Variants in AGBL1 observed in about 807,000 individuals in gnomAD.
The protein encoded by AGBL1 is AGBL carboxypeptidase 1.
A neutral mutation model predicts 118.9 loss-of-function variants in AGBL1; 130 were observed. The observed-to-expected ratio is 1.09, with a 90% CI of 0.95 to 1.26. The LOEUF (loss-of-function observed/expected upper bound fraction) is 1.26, where lower values mean the gene tolerates loss of function less well. AGBL1 is among the 50% of genes most tolerant of loss of function. The pLI is 0.00. For missense variants in AGBL1, 1,584 were observed against 1,298.1 expected (o/e 1.22, Z -3.38); for synonymous variants, 555 against 478.9 (o/e 1.16, Z -2.08).
In AGBL1 at chr15:86,415,589, T is replaced by C. The variant is rs532693847; in HGVS notation, c.2555+18043T>C. 1.5e-3 allele frequency among the ~76,000 whole-genome samples: 222 copies of C among 152,328 alleles called. 6 individuals carry two copies. The South Asian group carries it at 0.044, about 30-fold the overall frequency. ...AATAAACTAAATAGTGTATTTAGCA[T>C]GAAGCCTTATTAAGCTCTTTTGATG... On this transcript the variant is annotated intron_variant, in intron 18 of 22. Transcript: ENST00000614907.
At chr15:86,750,290 T>C (rs1485379927) in intron 22 of AGBL1, among the ~76,000 whole-genome samples, 2 of 152,074 alleles carry the variant, frequency 1.3e-5, no homozygotes, top group African/African-American at 4.8e-5. Flanking sequence ...AATTAACACA[T>C]AGTAATTTTA....
chr15:86,867,892 G>A (rs183640993), intron 22 of AGBL1, among the ~76,000 whole-genome samples: 127 of 152,210 alleles, frequency 8.3e-4, no homozygotes, highest in Non-Finnish European at 4.7e-4. Flanking sequence ...CCAATATACA[G>A]ATATCCCAAT....
chr15:86,261,489 C>T (rs1000738392), intron 9 of AGBL1, among the ~76,000 whole-genome samples: 2 of 152,198 alleles, frequency 1.3e-5, no homozygotes, highest in Non-Finnish European at 2.9e-5. Flanking sequence ...ATAGATGGAA[C>T]ATTGCATTTT....
chr15:86,456,155 A>T (rs1346013336), intron 18 of AGBL1, among the ~76,000 whole-genome samples: 1 of 152,220 alleles, frequency 6.6e-6, no homozygotes, highest in Non-Finnish European at 1.5e-5. Context: ...AGATTAAAAC[A>T]ATAACAACAA....
At chr15:86,270,140 A>G in intron 14 of AGBL1, 73 bp downstream of exon 14, 1 of 1,526,550 alleles carries the variant, frequency 6.6e-7, no homozygotes. Flanking sequence ...TTGGATTCAA[A>G]GAGCCTTTGC....
chr15:86,463,267 C>T lies in AGBL1; in HGVS notation c.2556-59543C>T, dbSNP rs145575677. Among the ~76,000 whole-genome samples, 3 of 150,960 alleles carry T rather than the reference C, an allele frequency of 2.0e-5. No individual in the cohort carries two copies. The East Asian group carries it at 5.8e-4, about 29-fold the overall frequency. On this transcript the variant is annotated intron_variant, in intron 18 of 22. Coordinates refer to ENST00000614907, the MANE Select transcript of AGBL1 (RefSeq NM_001386094.1). ...AGAAGTGTCTGTTCATATCCTTTGC[C>T]CACATTTGATGGGGTTGTTTGTTTT...
intron 22 of AGBL1, among the ~76,000 whole-genome samples, chr15:86,817,586 A>ACACC (rs2078881219): frequency 6.7e-6 from 1 of 149,612 alleles, no homozygotes; most frequent in South Asian, 2.2e-4. Flanking sequence ...ACACACACAC[A>ACACC]CACACACAGA....
chr15:86,136,381 G>T (rs760095563), intron 1 of AGBL1, among the ~76,000 whole-genome samples: 6 of 152,186 alleles, frequency 3.9e-5, no homozygotes, highest in Non-Finnish European at 7.3e-5. Context: ...TCTTGGAGAG[G>T]CCAGGCCACC....
chr15:86,485,205 G>T (rs969711427), intron 18 of AGBL1, among the ~76,000 whole-genome samples: 13 of 152,154 alleles, frequency 8.5e-5, no homozygotes, highest in Admixed American at 8.5e-4. Context: ...TGTTAGAAAT[G>T]CACAATCTCA....
chr15:86,621,939 C>G (rs928356300), intron 21 of AGBL1, among the ~76,000 whole-genome samples: 2 of 152,100 alleles, frequency 1.3e-5, no homozygotes, highest in Admixed American at 1.3e-4. Context: ...CAGAGTAGGA[C>G]ATTTTTAGAG....
chr15:86,265,898 TG>T (rs1311016342), intron 11 of AGBL1, among the ~76,000 whole-genome samples: 1 of 152,218 alleles, frequency 6.6e-6, no homozygotes, highest in South Asian at 2.1e-4. Context: ...CTTAGAAGAT[TG>T]ACCTTAGCCT....
chr15:86,879,303 T>C (rs995163416), intron 22 of AGBL1, among the ~76,000 whole-genome samples: 82 of 152,190 alleles, frequency 5.4e-4, no homozygotes, highest in African/African-American at 2.0e-3. Flanking sequence ...CACAAGCCCC[T>C]GGGGCAGCAG....
rs559813776 is a variant in AGBL1 at position 86,670,878 on chromosome 15, CTCT to C, written c.2995-3390_2995-3388del. Among the ~76,000 whole-genome samples the C allele has an allele frequency of 4.1e-3, 630 of 151,920 alleles. 2 individuals carry two copies. Among genetic ancestry groups the C allele is most frequent in the Non-Finnish European group, 7.0e-3 (477 of 67,966 alleles). ...TTGTCTTACAGATATCTAACAGATACTCTTCTTTTGTGGTGAGTTATCAAGAAA... is the reference window on the plus strand; with the variant it reads ...TTGTCTTACAGATATCTAACAGATACTCTTTTGTGGTGAGTTATCAAGAAA... On this transcript the variant is annotated intron_variant, in intron 21 of 22. Transcript: ENST00000614907.
chr15:86,627,466 T>C (rs16974087), intron 21 of AGBL1, among the ~76,000 whole-genome samples: 18,350 of 152,154 alleles, frequency 0.12, 1,258 homozygotes, highest in African/African-American at 0.16. Context: ...TGTGAAGACT[T>C]GGCCTCTGAT....
At chr15:86,822,619 G>A (rs75315677) in intron 22 of AGBL1, among the ~76,000 whole-genome samples, 2 of 152,208 alleles carry the variant, frequency 1.3e-5, no homozygotes, top group East Asian at 1.9e-4. Context: ...AGGTCTATGC[G>A]AACCTACCCC....
At chr15:86,733,132 T>C (rs1298743044) in intron 22 of AGBL1, among the ~76,000 whole-genome samples, 3 of 151,334 alleles carry the variant, frequency 2.0e-5, no homozygotes, top group Admixed American at 1.3e-4. Flanking sequence ...CACACAATTA[T>C]GGTATCCAAG....
At chr15:86,987,125 T>G (rs926328628) in intron 23 of AGBL1, among the ~76,000 whole-genome samples, 55 of 152,262 alleles carry the variant, frequency 3.6e-4, no homozygotes, top group African/African-American at 1.3e-3. Context: ...TGGTGGAATG[T>G]CATCAGTGAA....
chr15:86,971,863 G>A lies in AGBL1; in HGVS notation c.3222-16124G>A, dbSNP rs997113785. 6.6e-5 allele frequency among the ~76,000 whole-genome samples: 10 copies of A among 151,914 alleles called. No homozygotes were observed. In the East Asian group the frequency reaches 1.2e-3, roughly 18 times the overall value. The stretch of plus-strand genomic sequence containing the variant: ...GTAATTGAATCATGGAGGCAGTTTC[G>A]CCTATGATGTTCTCATGATAGTGAG... On this transcript the variant is annotated intron_variant, in intron 23 of 24. Transcript: ENST00000441037.
intron 18 of AGBL1, among the ~76,000 whole-genome samples, chr15:86,412,345 G>T (rs58056263): frequency 0.015 from 2,309 of 152,296 alleles, 54 homozygotes; most frequent in African/African-American, 0.053. Flanking sequence ...TTCCACAGAG[G>T]AAGTGTGGAA....
Sources: allele counts gnomAD v4.1 joint callset (sites outside exome capture counted in the v4.1 genomes callset), GRCh38; gene constraint gnomAD v4.1.1; transcripts MANE v1.5; gene names NCBI Gene and HGNC (gene_info 2026-07-23, HGNC 2026-07-21).